PCDHGA7: variants seen among roughly 807,000 people sequenced by gnomAD.
PCDHGA7 encodes protocadherin gamma subfamily A, 7, also known as protocadherin gamma-A7.
Under a neutral mutation model 58.3 loss-of-function variants are expected in PCDHGA7, and 44 were observed. That is an observed-to-expected ratio of 0.75 (90% CI 0.59 to 0.97). The LOEUF is 0.97. PCDHGA7 is among the 50% of genes least tolerant of loss of function. The probability of loss-of-function intolerance (pLI) is 0.00; values close to 1 mark genes in which losing one functional copy is unlikely to be tolerated. For missense variants in PCDHGA7, 1,266 were observed against 1,188.7 expected (o/e 1.06, Z -0.96); for synonymous variants, 516 against 504.2 (o/e 1.02, Z -0.31).
intron 1 of PCDHGA7, chr5:141,471,300 C>T (rs2099254628): frequency 6.6e-6 from 1 of 152,190 alleles, no homozygotes; most frequent in African/African-American, 2.4e-5. Context: ...ATCCACCCAA[C>T]TCGGCCTCCC....
chr5:141,433,328 G>C, intron 1 of PCDHGA7: 1 of 724,580 alleles, frequency 1.4e-6, no homozygotes, highest in Non-Finnish European at 2.3e-6. Context: ...GGTGTAACAG[G>C]GACTACAGGT....
Position 141,485,447 on chromosome 5 carries a change from C to G in PCDHGA7, c.2425-9360C>G, listed in dbSNP as rs1233800346. 6.2e-7 allele frequency: 1 copy of G among 1,614,144 alleles called. No individual in the cohort carries two copies. The highest frequency in any genetic ancestry group is 8.5e-7 in the Non-Finnish European group (1 of 1,180,036). On this transcript the variant is annotated intron_variant, in intron 1 of 3. Transcript: ENST00000518325. This position sits in a 1 kb window ranked among gnomAD's most constrained non-coding sequence, Gnocchi z 5.7. ...CCTGCTCATCAAGAACCCAATCGAC[C>G]GAGAGGCACTGTGTGGGCTCAGTGC... is the stretch of plus-strand genomic sequence containing the variant.
At chr5:141,450,046 G>A (rs1390669307) in intron 1 of PCDHGA7, among the ~76,000 whole-genome samples, 4 of 121,108 alleles carry the variant, frequency 3.3e-5, no homozygotes, top group Admixed American at 1.1e-4. Context: ...TCACTCTTTC[G>A]CCCAGGCTGG....
intron 1 of PCDHGA7, chr5:141,394,323 T>A (rs1323089912): frequency 6.2e-7 from 1 of 1,613,982 alleles, no homozygotes; most frequent in South Asian, 1.1e-5. Flanking sequence ...CCTGTCCTCG[T>A]ATATCTCCAT....
At chr5:141,440,617 C>T (rs1469883341) in intron 1 of PCDHGA7, 1 of 152,168 alleles carries the variant, frequency 6.6e-6, no homozygotes, top group East Asian at 1.9e-4. Context: ...TGCAGAAGAT[C>T]CTGATGTTGA....
intron 1 of PCDHGA7, chr5:141,389,913 C>A (rs751155354): frequency 6.2e-7 from 1 of 1,614,092 alleles, no homozygotes; most frequent in Non-Finnish European, 8.5e-7. Context: ...CACTGACCGC[C>A]CCGACCCCTC....
At chr5:141,472,295 A>G (rs147192748) in intron 1 of PCDHGA7, among the ~76,000 whole-genome samples, 8,225 of 152,254 alleles carry the variant, frequency 0.054, 462 homozygotes, top group African/African-American at 0.15. Flanking sequence ...TAATCCCAGC[A>G]CTTTGGGAAG....
rs368927472 is a variant in PCDHGA7 at position 141,490,874 on chromosome 5, A to G, written c.2425-3933A>G. The G allele has an allele frequency of 2.4e-5, 39 of 1,613,830 alleles. No individual in the cohort carries two copies. Among genetic ancestry groups the G allele is most frequent in the Non-Finnish European group, 3.1e-5 (36 of 1,179,960 alleles). ...CGAGACTCCGGCTCTCCCCCATTGCATGCCAACACATCTCTGCATGTGTTT... is the reference window on the plus strand; with the variant it reads ...CGAGACTCCGGCTCTCCCCCATTGCGTGCCAACACATCTCTGCATGTGTTT... On this transcript the variant is annotated intron_variant, in intron 1 of 3. Transcript: ENST00000518325. This position sits in a 1 kb window ranked among gnomAD's most constrained non-coding sequence, Gnocchi z 5.4.
chr5:141,413,265 T>C, intron 1 of PCDHGA7: 1 of 1,613,958 alleles, frequency 6.2e-7, no homozygotes, highest in Non-Finnish European at 8.5e-7. Context: ...CATGGGAGGC[T>C]GGAGCCCGGC....
At position 141,490,821 on chromosome 5, in the gene PCDHGA7, G is replaced by A. The variant is rs907584239; in HGVS notation, c.2425-3986G>A. On this transcript the variant is annotated intron_variant, in intron 1 of 3. Transcript: ENST00000518325. The surrounding 1 kb of genome is among the most constrained non-coding windows in gnomAD (Gnocchi z 5.4). ...AGCGTACCTTTGACTATGAATTGCT[G>A]CAGATGCTGCAGATTGTGGTGGGGG... 6.2e-7 allele frequency: 1 copy of A among 1,613,876 alleles called. No homozygotes were observed. Among genetic ancestry groups the A allele is most frequent in the Non-Finnish European group, 8.5e-7 (1 of 1,179,826 alleles).
chr5:141,393,041 T>G, intron 1 of PCDHGA7: 2 of 1,613,702 alleles, frequency 1.2e-6, no homozygotes, highest in Non-Finnish European at 1.7e-6. Flanking sequence ...AGCTCTTTGC[T>G]CTGAACCCGC....
chr5:141,476,357 C>T lies in PCDHGA7; in HGVS notation c.2425-18450C>T. On this transcript the variant is annotated intron_variant, in intron 1 of 3. Transcript: ENST00000518325. The surrounding 1 kb of genome is among the most constrained non-coding windows in gnomAD (Gnocchi z 7.6). ...TAGCCGAAGATTCTTTGAGGTGAAC[C>T]GGGAGACCGGAGAGATGTTTGTGAA... The T allele has an allele frequency of 6.2e-7, 1 of 1,614,052 alleles. No individual in the cohort carries two copies. The highest frequency in any genetic ancestry group is 2.2e-5 in the East Asian group (1 of 44,854).
At position 141,384,126 on chromosome 5, in the gene PCDHGA7, C is replaced by G; in HGVS notation, c.1227C>G (p.Asn409Lys). 2 of 1,610,938 alleles carry G rather than the reference C, an allele frequency of 1.2e-6. No individual in the cohort carries two copies. The highest frequency in any genetic ancestry group is 1.7e-6 in the Non-Finnish European group (2 of 1,178,400). ...DNYYRLVTTK[N>K]LDRETLSLYN... is the part of the protein sequence containing the mutation. ...ATTATAGATTGGTCACAACCAAAAA[C>G]TTGGACCGGGAAACACTCTCTTTGT... The change falls in exon 1 of 4, where the codon AAC (asparagine) becomes AAG (lysine). Residue 409 changes from asparagine to lysine, a missense_variant. Transcript: ENST00000518325.
In PCDHGA7 at chr5:141,390,225, G is replaced by A. The variant is rs886390636; in HGVS notation, c.2424+4902G>A. 25 of 1,613,922 alleles carry A rather than the reference G, an allele frequency of 1.5e-5. No individual in the cohort carries two copies. Among genetic ancestry groups the A allele is most frequent in the Non-Finnish European group, 1.9e-5 (23 of 1,179,908 alleles). On this transcript the variant is annotated intron_variant, in intron 1 of 3. Transcript: ENST00000518325. Reference sequence around the variant, plus strand: ...TTCAGGACAAGACATACTTTGCGGTGATTCATCTGGGGCCTTATTTCCACT... The same window carrying A: ...TTCAGGACAAGACATACTTTGCGGTAATTCATCTGGGGCCTTATTTCCACT...
intron 1 of PCDHGA7, chr5:141,421,914 T>C: frequency 4.3e-6 from 7 of 1,613,742 alleles, no homozygotes; most frequent in Non-Finnish European, 5.9e-6. Flanking sequence ...CAGTTCCCAT[T>C]CGTGTGGTGG....
chr5:141,498,251 C>A (rs1277949209), intron 2 of PCDHGA7, among the ~76,000 whole-genome samples: 1 of 152,178 alleles, frequency 6.6e-6, no homozygotes, highest in African/African-American at 2.4e-5. Flanking sequence ...CAAAGCAGGG[C>A]TGGTGTTGAG....
chr5:141,429,390 A>T (rs556289214), intron 1 of PCDHGA7, among the ~76,000 whole-genome samples: 3,394 of 150,296 alleles, frequency 0.023, 54 homozygotes, highest in South Asian at 0.043. Context: ...TTTTTTTTAA[A>T]AAAAATTGAG....
intron 1 of PCDHGA7, chr5:141,427,653 G>A (rs1221862562): frequency 4.1e-6 from 3 of 725,570 alleles, no homozygotes; most frequent in Non-Finnish European, 4.9e-6. Flanking sequence ...CTCCTACGTG[G>A]TCCACGTGGC....
intron 1 of PCDHGA7, chr5:141,415,759 T>TTTG: frequency 3.7e-6 from 5 of 1,352,140 alleles, no homozygotes; most frequent in Non-Finnish European, 4.8e-6. Flanking sequence ...TTTTTTTTTT[T>TTTG]TTTTTTTTTT....
Sources: gnomAD v4.1 joint callset for allele counts (sites outside exome capture counted in the v4.1 genomes callset) on GRCh38, gnomAD v4.1.1 for gene constraint, Gnocchi (gnomAD v3.1) non-coding constraint, MANE v1.5 for transcripts, NCBI Gene and HGNC (gene_info 2026-07-23, HGNC 2026-07-21) for gene names.